The following MTM1 variants were observed in gnomAD, a reference collection of about 807,000 sequenced individuals.
The protein encoded by MTM1 is myotubularin.
MTM1 carries 9 observed loss-of-function variants against 52.1 expected under a neutral mutation model. The ratio of observed to expected loss-of-function variants is 0.17; its 90% confidence interval spans 0.10 to 0.30. The LOEUF is 0.30. Ranked by LOEUF, MTM1 falls within the 10% of genes least tolerant of loss-of-function variation. MTM1 has a pLI of 1.00. For missense variants in MTM1, 277 were observed against 470.7 expected (o/e 0.59, Z 3.81); for synonymous variants, 136 against 163.8 (o/e 0.83, Z 1.29).
intron 6 of MTM1, among the ~76,000 whole-genome samples, chrX:150,621,753 C>T (rs191392740): frequency 3.9e-4 from 44 of 111,619 alleles, no homozygotes; most frequent in Non-Finnish European, 7.3e-4. Flanking sequence ...TTCATCTTAC[C>T]GCTCAATTGT....
Position 150,619,032 on chromosome X carries a change from C to T in MTM1, c.343-6C>T, listed in dbSNP as rs782117408. 5.9e-6 allele frequency: 7 copies of T among 1,183,930 alleles called. No homozygotes were observed. The highest frequency in any genetic ancestry group is 3.0e-5 in the East Asian group (1 of 33,750). ...CTGAACTGTCATACTTCTCCTTTGC[C>T]CCCAGGACATGAGAAACCTGAGGTT... is the stretch of plus-strand genomic sequence containing the variant. On this transcript the variant is annotated splice_region_variant and splice_polypyrimidine_tract_variant and intron_variant, in intron 5 of 14. Coordinates refer to ENST00000370396, the MANE Select transcript of MTM1 (RefSeq NM_000252.3).
At chrX:150,627,981 TG>T (rs1348803078) in intron 6 of MTM1, among the ~76,000 whole-genome samples, 2 of 111,775 alleles carry the variant, frequency 1.8e-5, no homozygotes, top group East Asian at 5.6e-4. Flanking sequence ...GGCAGGGATT[TG>T]TTTCCTCCCT....
intron 1 of MTM1, among the ~76,000 whole-genome samples, chrX:150,574,436 G>C (rs1337187745): frequency 9.0e-5 from 10 of 111,226 alleles, no homozygotes; most frequent in Non-Finnish European, 1.5e-4. Flanking sequence ...ATTAAAGTTC[G>C]GAAATAGTCT....
chrX:150,587,011 T>C (rs1469614914), intron 1 of MTM1, among the ~76,000 whole-genome samples: 1 of 110,592 alleles, frequency 9.0e-6, no homozygotes. Context: ...TAATTTTACC[T>C]GTTCCTCATG....
Position 150,671,711 on chromosome X carries a change from A to G in MTM1, c.*116A>G. ...GCCTCCATGTAGAACTTGAACTAAC[A>G]TAATCTTAAACTCTTGAATATGTGC... On this transcript the variant is annotated 3_prime_UTR_variant, in exon 15 of 15. Coordinates refer to ENST00000370396, the MANE Select transcript of MTM1 (RefSeq NM_000252.3). 1.2e-6 allele frequency: 1 copy of G among 821,708 alleles called. No homozygotes were observed. Among genetic ancestry groups the G allele is most frequent in the Non-Finnish European group, 1.8e-6 (1 of 567,741 alleles). The allele number at this position is 821,708 out of a possible 1,213,427, so 67.7% of individuals were successfully genotyped here.
At chrX:150,582,230 A>T (rs2038598622) in intron 1 of MTM1, among the ~76,000 whole-genome samples, 1 of 111,080 alleles carries the variant, frequency 9.0e-6, no homozygotes, top group African/African-American at 3.3e-5. Context: ...ATATATGCTG[A>T]GTTAGGAGTA....
At chrX:150,572,745 G>A (rs1056017802) in intron 1 of MTM1, among the ~76,000 whole-genome samples, 1 of 112,423 alleles carries the variant, frequency 8.9e-6, no homozygotes, top group Non-Finnish European at 1.9e-5. Context: ...AGAATAAAAA[G>A]CGATCCAGGC....
Position 150,658,038 on chromosome X carries a change from A to G in MTM1, c.1260+11A>G. On this transcript the variant is annotated intron_variant, in intron 11 of 14. Coordinates refer to ENST00000370396, the MANE Select transcript of MTM1 (RefSeq NM_000252.3). ...CATAAATTTGCATCTGTGAGTAAACAAAGCTAATTTCTAAAAATAGATCAC... is the reference window on the plus strand; with the variant it reads ...CATAAATTTGCATCTGTGAGTAAACGAAGCTAATTTCTAAAAATAGATCAC... 1 of 1,162,543 alleles carries G rather than the reference A, an allele frequency of 8.6e-7. No homozygotes were observed. Among genetic ancestry groups the G allele is most frequent in the Non-Finnish European group, 1.2e-6 (1 of 851,133 alleles).
chrX:150,642,342 C>T (rs1360846706), intron 8 of MTM1, among the ~76,000 whole-genome samples: 2 of 111,547 alleles, frequency 1.8e-5, no homozygotes, highest in Admixed American at 1.9e-4. Context: ...TGATTTGTCC[C>T]GTTATTAGTG....
chrX:150,577,327 G>A (rs935773510), intron 1 of MTM1, among the ~76,000 whole-genome samples: 5 of 112,190 alleles, frequency 4.5e-5, no homozygotes, highest in Non-Finnish European at 7.5e-5. Context: ...TAAATACTTA[G>A]GTGTGGCATT....
At chrX:150,613,806 C>T (rs1285095241) in intron 4 of MTM1, among the ~76,000 whole-genome samples, 1 of 111,957 alleles carries the variant, frequency 8.9e-6, no homozygotes, top group Non-Finnish European at 1.9e-5. Context: ...TGTGCTATTA[C>T]TTGACTAACA....
At chrX:150,641,022 T>C (rs1411361364) in intron 7 of MTM1, among the ~76,000 whole-genome samples, 2 of 112,190 alleles carry the variant, frequency 1.8e-5, no homozygotes, top group Non-Finnish European at 3.8e-5. Context: ...CGAATTCCTT[T>C]GAATTCAAGA....
chrX:150,584,196 A>G (rs1557412150), intron 1 of MTM1, among the ~76,000 whole-genome samples: 1 of 106,274 alleles, frequency 9.4e-6, no homozygotes, highest in Non-Finnish European at 1.9e-5. Context: ...AGCTCAAATG[A>G]TCACTGGGAG....
intron 1 of MTM1, among the ~76,000 whole-genome samples, chrX:150,590,031 G>A (rs186041633): frequency 3.9e-4 from 44 of 111,761 alleles, no homozygotes; most frequent in Non-Finnish European, 6.2e-4. Flanking sequence ...ATGTAAAATG[G>A]GGGTAATAGC....
intron 4 of MTM1, among the ~76,000 whole-genome samples, chrX:150,607,220 T>G (rs1462799296): frequency 9.1e-6 from 1 of 110,169 alleles, no homozygotes; most frequent in African/African-American, 3.3e-5. Flanking sequence ...ACTCCTGACC[T>G]CAAGTAATCT....
At chrX:150,578,613 G>A (rs1281329440) in intron 1 of MTM1, among the ~76,000 whole-genome samples, 2 of 111,871 alleles carry the variant, frequency 1.8e-5, no homozygotes, top group Non-Finnish European at 3.8e-5. Context: ...ACATCAAACT[G>A]TTCCAGCATC....
intron 4 of MTM1, among the ~76,000 whole-genome samples, chrX:150,612,759 G>A: frequency 9.0e-6 from 1 of 111,461 alleles, no homozygotes. Context: ...CGAGGCAGGT[G>A]TATTACCTGA....
Position 150,588,385 on chromosome X carries a change from T to C in MTM1, c.-10-4220T>C, listed in dbSNP as rs781933546. Among the ~76,000 whole-genome samples, 3 of 112,082 alleles carry C rather than the reference T, an allele frequency of 2.7e-5. No homozygotes were observed. In the South Asian group the frequency reaches 1.1e-3, roughly 42 times the overall value. ...CTCAGGTGACGATGGGAAATAGAGC[T>C]CTCCGTGGTGTTTACAGTTTGCTTG... On this transcript the variant is annotated intron_variant, in intron 1 of 14. Coordinates refer to ENST00000370396, the MANE Select transcript of MTM1 (RefSeq NM_000252.3).
At chrX:150,613,151 A>G (rs113610801) in intron 4 of MTM1, among the ~76,000 whole-genome samples, 10,346 of 104,402 alleles carry the variant, frequency 0.099, 392 homozygotes, top group African/African-American at 0.13. Flanking sequence ...AAAAAAAAAA[A>G]GGGGGGAAAG....
Sources: gnomAD v4.1 joint callset for allele counts (sites outside exome capture counted in the v4.1 genomes callset) on GRCh38, gnomAD v4.1.1 for gene constraint, MANE v1.5 for transcripts, NCBI Gene and HGNC (gene_info 2026-07-23, HGNC 2026-07-21) for gene names.